MAP3K5: variants seen among roughly 807,000 people sequenced by gnomAD.
MAP3K5 encodes the protein ASK-1.
Under a neutral mutation model 158.7 loss-of-function variants are expected in MAP3K5, and 56 were observed. The ratio of observed to expected loss-of-function variants is 0.35; its 90% CI spans 0.28 to 0.44. MAP3K5 has a LOEUF of 0.44. Ranked by LOEUF, MAP3K5 falls within the 20% of genes least tolerant of loss-of-function variation. The pLI is 1.00. For synonymous variants in MAP3K5, 579 were observed against 601.7 expected (o/e 0.96, Z 0.55); for missense variants, 1,294 against 1,674.8 (o/e 0.77, Z 3.97).
intron 21 of MAP3K5, among the ~76,000 whole-genome samples, chr6:136,600,355 C>A (rs1364199379): frequency 6.6e-6 from 1 of 151,856 alleles, no homozygotes; most frequent in Non-Finnish European, 1.5e-5. Flanking sequence ...CCGCACCCAG[C>A]TATTTTTCTG....
At position 136,719,502 on chromosome 6, in the gene MAP3K5, C is replaced by G. The variant is rs117385955; in HGVS notation, c.588+948G>C. On this transcript the variant is annotated intron_variant, in intron 2 of 29. Coordinates refer to ENST00000359015, the MANE Select transcript of MAP3K5 (RefSeq NM_005923.4). ...ATACCTGTCAATCACCAGCACAATGCCTGGCATGTAGTAGGTATGTTTGCT... is the reference window on the plus strand; with the variant it reads ...ATACCTGTCAATCACCAGCACAATGGCTGGCATGTAGTAGGTATGTTTGCT... Among the ~76,000 whole-genome samples, 323 of 152,288 alleles carry G rather than the reference C, an allele frequency of 2.1e-3. 10 individuals carry two copies. In the East Asian group the frequency reaches 0.036, roughly 17 times the overall value.
chr6:136,642,916 A>C (rs9494549), intron 11 of MAP3K5, among the ~76,000 whole-genome samples: 10,086 of 152,288 alleles, frequency 0.066, 447 homozygotes, highest in East Asian at 0.19. Context: ...ACAGTTGAGA[A>C]ATACTTCTTT....
Position 136,592,241 on chromosome 6 carries a change from T to C in MAP3K5, c.3157A>G (p.Thr1053Ala), listed in dbSNP as rs1775419650. Residue 1053 changes from threonine to alanine, a missense_variant, in exon 23 of 30, where the codon ACC (threonine) becomes GCC (alanine). This residue lies in a region of MAP3K5 where 362 missense variants were observed against 463.2 expected (regional missense o/e 0.78). Transcript: ENST00000359015. ...TCTTCCGTCAGGATCCTGTGAAGGGTAGCTCGCCTCTCACTGTCCTTCCTC... is the reference window on the plus strand; with the variant it reads ...TCTTCCGTCAGGATCCTGTGAAGGGCAGCTCGCCTCTCACTGTCCTTCCTC... ...MLRKDSERRA[T>A]LHRILTEDQD... 6.2e-7 allele frequency: 1 copy of C among 1,612,422 alleles called. No homozygotes were observed. Among genetic ancestry groups the C allele is most frequent in the Non-Finnish European group, 8.5e-7 (1 of 1,179,334 alleles).
intron 23 of MAP3K5, among the ~76,000 whole-genome samples, chr6:136,585,735 G>A (rs1775113009): frequency 6.6e-6 from 1 of 151,802 alleles, no homozygotes; most frequent in Non-Finnish European, 1.5e-5. Context: ...GACCTCAAGT[G>A]ATCCACCTGC....
intron 1 of MAP3K5, among the ~76,000 whole-genome samples, chr6:136,757,806 A>G (rs530619388): frequency 1.3e-5 from 2 of 152,144 alleles, no homozygotes; most frequent in Admixed American, 1.3e-4. Context: ...GCTGGTCTGG[A>G]ACTCCTGATC....
chr6:136,601,259 A>G (rs533727609), intron 20 of MAP3K5, among the ~76,000 whole-genome samples: 2 of 152,282 alleles, frequency 1.3e-5, no homozygotes, highest in South Asian at 4.1e-4. Flanking sequence ...CAAAAATATA[A>G]TGTACTTATA....
chr6:136,645,495 C>A (rs1778208031), intron 11 of MAP3K5, among the ~76,000 whole-genome samples: 1 of 152,122 alleles, frequency 6.6e-6, no homozygotes, highest in Admixed American at 6.5e-5. Flanking sequence ...GCCAAGGGTG[C>A]CCAAACTTCA....
chr6:136,723,281 A>T (rs887730020), intron 1 of MAP3K5, among the ~76,000 whole-genome samples: 2 of 151,968 alleles, frequency 1.3e-5, no homozygotes, highest in African/African-American at 4.8e-5. Flanking sequence ...AAGTAGAATA[A>T]GACTTAGCAA....
In MAP3K5 at chr6:136,698,501, T is replaced by C; in HGVS notation, c.794A>G (p.Gln265Arg). ...AATTAAACTTTACCTAGAACTTGCTTGTGCCACCTTCAAAAGTTGAATAAA... is the reference window on the plus strand; with the variant it reads ...AATTAAACTTTACCTAGAACTTGCTCGTGCCACCTTCAAAAGTTGAATAAA... ...DRFIQLLKVA[Q>R]ASSSQYFRES... The change falls in exon 4 of 30, where the codon CAA becomes CGA. Residue 265 changes from glutamine to arginine, a missense_variant. This residue lies in a region of MAP3K5 where 690 missense variants were observed against 870.5 expected (regional missense o/e 0.79). Coordinates refer to ENST00000359015, the MANE Select transcript of MAP3K5 (RefSeq NM_005923.4). 6.2e-7 allele frequency: 1 copy of C among 1,613,720 alleles called. No individual in the cohort carries two copies. Among genetic ancestry groups the C allele is most frequent in the Non-Finnish European group, 8.5e-7 (1 of 1,179,786 alleles).
chr6:136,650,240 T>C (rs1778458809), intron 11 of MAP3K5, among the ~76,000 whole-genome samples: 1 of 152,228 alleles, frequency 6.6e-6, no homozygotes, highest in African/African-American at 2.4e-5. Flanking sequence ...TATAAGGGCA[T>C]TCTGGGAAAC....
intron 1 of MAP3K5, among the ~76,000 whole-genome samples, chr6:136,752,294 A>AT (rs1359657052): frequency 6.6e-6 from 1 of 152,180 alleles, no homozygotes; most frequent in Non-Finnish European, 1.5e-5. Flanking sequence ...TAAGGGCTGT[A>AT]TTAGAAACAG....
At chr6:136,683,118 C>A (rs1780004549) in intron 7 of MAP3K5, among the ~76,000 whole-genome samples, 1 of 152,270 alleles carries the variant, frequency 6.6e-6, no homozygotes, top group South Asian at 2.1e-4. Context: ...TAAAGGCTTA[C>A]TAAATTTCAG....
intron 25 of MAP3K5, among the ~76,000 whole-genome samples, chr6:136,572,653 T>C (rs1038192400): frequency 2.0e-5 from 3 of 152,238 alleles, no homozygotes; most frequent in Non-Finnish European, 4.4e-5. Flanking sequence ...CTTAATTCTG[T>C]AAACTTTAAA....
chr6:136,774,802 G>T (rs1176546094), intron 1 of MAP3K5, among the ~76,000 whole-genome samples: 1 of 152,178 alleles, frequency 6.6e-6, no homozygotes, highest in East Asian at 1.9e-4. Flanking sequence ...GAGGTGCAGG[G>T]TTAACAAGAC....
At chr6:136,793,066 G>C (rs929016326), upstream of MAP3K5, among the ~76,000 whole-genome samples, 19 of 152,180 alleles carry the variant, frequency 1.2e-4, no homozygotes, top group Non-Finnish European at 2.8e-4. Context: ...ACGGGGTGGC[G>C]CAGAAAGTCC....
rs1206301304 is a variant in MAP3K5, at chr6:136,639,608, A to C, written c.1869T>G (p.Phe623Leu). 6.3e-7 allele frequency: 1 copy of C among 1,596,848 alleles called. No individual in the cohort carries two copies. The highest frequency in any genetic ancestry group is 8.5e-7 in the Non-Finnish European group (1 of 1,174,094). ...CATCAGAATTGTGAAGCACATAAAG[A>C]AAGCAGCATCTTTCTTCAAATTTAG... Reference protein sequence around the residue: ...SISKFEERCCFLYVLHNSDDF... With the variant: ...SISKFEERCCLLYVLHNSDDF... The change falls in exon 13 of 30, where the codon TTT becomes TTG. Residue 623 changes from phenylalanine (F) to leucine (L), a missense_variant. Physicochemically the swap from Phe to Leu is conservative, Grantham distance 22. This residue lies in a region of MAP3K5 where 690 missense variants were observed against 870.5 expected (regional missense o/e 0.79). Coordinates refer to ENST00000359015, the MANE Select transcript of MAP3K5 (RefSeq NM_005923.4).
intron 1 of MAP3K5, among the ~76,000 whole-genome samples, chr6:136,781,037 A>C (rs571656750): frequency 6.6e-6 from 1 of 152,300 alleles, no homozygotes; most frequent in African/African-American, 2.4e-5. Context: ...ATGCTTACAA[A>C]ATTTAATTAG....
intron 7 of MAP3K5, among the ~76,000 whole-genome samples, chr6:136,685,790 C>A (rs6570087): frequency 0.15 from 22,931 of 151,938 alleles, 4,314 homozygotes; most frequent in African/African-American, 0.45. Flanking sequence ...AAGAAAAAAA[C>A]AAGGGTCAGT....
intron 1 of MAP3K5, among the ~76,000 whole-genome samples, chr6:136,788,522 C>T (rs1054480420): frequency 1.7e-4 from 26 of 152,002 alleles, no homozygotes; most frequent in African/African-American, 6.0e-4. Context: ...TCACAAACTA[C>T]GCATTTAAGA....
Sources: gnomAD v4.1 joint callset for allele counts (sites outside exome capture counted in the v4.1 genomes callset) on GRCh38, gnomAD v4.1.1 for gene constraint, gnomAD v4.1.1 regional missense constraint, MANE v1.5 for transcripts, NCBI Gene and HGNC (gene_info 2026-07-23, HGNC 2026-07-21) for gene names.